Variants in RPS6KA5 observed in about 807,000 individuals in gnomAD.
The protein encoded by RPS6KA5 is ribosomal protein S6 kinase A5, also known as ribosomal protein S6 kinase alpha-5.
RPS6KA5 carries 27 observed loss-of-function variants against 85.5 expected under a neutral mutation model. That is an observed-to-expected ratio of 0.32 (90% confidence interval 0.23 to 0.44). The LOEUF (loss-of-function observed/expected upper bound fraction) is 0.44, where lower values mean the gene tolerates loss of function less well. Ranked by LOEUF, RPS6KA5 falls within the 20% of genes least tolerant of loss-of-function variation. RPS6KA5 has a pLI of 1.00. For missense variants in RPS6KA5, 811 were observed against 980.9 expected (o/e 0.83, Z 2.31); for synonymous variants, 334 against 348.2 (o/e 0.96, Z 0.46).
chr14:90,942,445 C>T (rs1235043984), intron 5 of RPS6KA5, among the ~76,000 whole-genome samples: 2 of 152,188 alleles, frequency 1.3e-5, no homozygotes, highest in African/African-American at 2.4e-5. Context: ...ACAACCATTA[C>T]ATAAACAGTA....
In RPS6KA5 at chr14:90,902,988, G is replaced by A. The variant is rs1042882216; in HGVS notation, c.958-19C>T. 1 of 1,599,094 alleles carries A rather than the reference G, an allele frequency of 6.3e-7. No individual in the cohort carries two copies. Among genetic ancestry groups the A allele is most frequent in the Non-Finnish European group, 8.5e-7 (1 of 1,170,794 alleles). On this transcript the variant is annotated intron_variant, in intron 8 of 16. Transcript: ENST00000614987. ...TTATTTTCTAAAACAAAGAAAGTTG[G>A]TACAAAGTAGAAATCAATAGTCAAA...
At chr14:90,933,992 C>A (rs947803927) in intron 5 of RPS6KA5, among the ~76,000 whole-genome samples, 2 of 152,204 alleles carry the variant, frequency 1.3e-5, no homozygotes, top group African/African-American at 4.8e-5. Context: ...TTGGTGAAGC[C>A]TTTCCTGACC....
chr14:90,945,272 A>AC (rs2037816036), intron 4 of RPS6KA5, among the ~76,000 whole-genome samples: 1 of 152,176 alleles, frequency 6.6e-6, no homozygotes, highest in Admixed American at 6.5e-5. Flanking sequence ...AACAGAACAC[A>AC]AAAGTACTAG....
chr14:90,975,620 C>T (rs559002458), intron 3 of RPS6KA5, among the ~76,000 whole-genome samples: 13 of 152,186 alleles, frequency 8.5e-5, no homozygotes, highest in Middle Eastern at 3.2e-3. Context: ...TCTTGGACTT[C>T]CAGCCTCCAG....
rs1461330086 is a variant in RPS6KA5, at chr14:90,869,027, G to A, written c.*3047C>T. 6.6e-6 allele frequency: 1 copy of A among 152,120 alleles called. No homozygotes were observed. The highest frequency in any genetic ancestry group is 2.4e-5 in the African/African-American group (1 of 41,410). The allele number at this position is 152,120 out of a possible 1,614,324, so 9.4% of individuals were successfully genotyped here. ...ATTCAGTGGTTTCTTACTTTATAAA[G>A]GTTTGGAAGAATTAATGAATTTCTT... On this transcript the variant is annotated 3_prime_UTR_variant, in exon 17 of 17. Transcript: ENST00000614987.
intron 2 of RPS6KA5, among the ~76,000 whole-genome samples, chr14:90,999,725 T>C (rs2040699218): frequency 1.3e-5 from 2 of 152,190 alleles, no homozygotes; most frequent in Non-Finnish European, 2.9e-5. Context: ...GAATTACTAA[T>C]AATTTCAGAA....
At chr14:90,951,079 A>C (rs1177707387) in intron 3 of RPS6KA5, among the ~76,000 whole-genome samples, 3 of 145,608 alleles carry the variant, frequency 2.1e-5, no homozygotes, top group African/African-American at 7.6e-5. Flanking sequence ...AGATCACTGC[A>C]CTGCACTCCA....
chr14:91,018,959 A>T (rs1195993941), intron 1 of RPS6KA5, among the ~76,000 whole-genome samples: 1 of 151,966 alleles, frequency 6.6e-6, no homozygotes, highest in Non-Finnish European at 1.5e-5. Context: ...TATTAACTAG[A>T]TATCATAGCA....
chr14:90,988,900 T>C lies in RPS6KA5; in HGVS notation c.176-10376A>G, dbSNP rs557443531. 3.2e-3 allele frequency among the ~76,000 whole-genome samples: 495 copies of C among 152,360 alleles called. 2 individuals are homozygous for C. Among genetic ancestry groups the C allele is most frequent in the African/African-American group, 0.011 (472 of 41,578 alleles). The stretch of plus-strand genomic sequence containing the variant: ...TTAAGGTAACATACAAATCAACTTC[T>C]TGTAAATGCTAACAAAATTGCAATT... On this transcript the variant is annotated intron_variant, in intron 2 of 16. Coordinates refer to ENST00000614987, the MANE Select transcript of RPS6KA5 (RefSeq NM_004755.4).
intron 5 of RPS6KA5, among the ~76,000 whole-genome samples, chr14:90,935,297 A>G (rs1281314108): frequency 6.7e-6 from 1 of 149,154 alleles, no homozygotes; most frequent in East Asian, 2.0e-4. Context: ...AACTACAAAA[A>G]AGAAAATAAA....
intron 1 of RPS6KA5, among the ~76,000 whole-genome samples, chr14:91,052,650 C>T (rs1160494718): frequency 6.7e-6 from 1 of 150,260 alleles, no homozygotes; most frequent in African/African-American, 2.5e-5. Flanking sequence ...CGATGAAACC[C>T]CGTCTCTACT....
intron 5 of RPS6KA5, among the ~76,000 whole-genome samples, chr14:90,931,159 G>A (rs1164187107): frequency 6.6e-6 from 1 of 152,050 alleles, no homozygotes; most frequent in Non-Finnish European, 1.5e-5. Flanking sequence ...ACAGATAAAC[G>A]AATAAACAAA....
chr14:90,943,229 A>G (rs995360490), intron 4 of RPS6KA5, 44 bp from the exon 5 acceptor site: 37 of 1,180,992 alleles, frequency 3.1e-5, no homozygotes, highest in Non-Finnish European at 4.6e-5. Flanking sequence ...ATTTACAAAA[A>G]AATGAATTAG....
At chr14:90,956,964 GTT>G (rs61106740) in intron 3 of RPS6KA5, among the ~76,000 whole-genome samples, 40,784 of 123,126 alleles carry the variant, frequency 0.33, 6,306 homozygotes, top group Middle Eastern at 0.37. Flanking sequence ...CTGTTTTTCT[GTT>G]TTTTTTTTTT....
chr14:91,014,721 A>G (rs1354061126), intron 1 of RPS6KA5, among the ~76,000 whole-genome samples: 6 of 152,096 alleles, frequency 3.9e-5, no homozygotes, highest in African/African-American at 1.4e-4. Flanking sequence ...GATACATCTT[A>G]TACTACATCC....
At chr14:90,888,338 A>G (rs1430468370) in intron 14 of RPS6KA5, among the ~76,000 whole-genome samples, 1 of 152,216 alleles carries the variant, frequency 6.6e-6, no homozygotes, top group Non-Finnish European at 1.5e-5. Context: ...TGATGGACAT[A>G]ATTGGCCTTT....
Position 90,902,937 on chromosome 14 carries a change from T to G in RPS6KA5, c.990A>C (p.Lys330Asn), listed in dbSNP as rs775115824. 11 of 1,611,228 alleles carry G rather than the reference T, an allele frequency of 6.8e-6. No homozygotes were observed. In the South Asian group the frequency reaches 1.1e-4, roughly 16 times the overall value. ...KINWDDLAAK[K>N]VPAPFKPVIR... ...TGACTGGCTTAAATGGTGCAGGCAC[T>G]TTTTTGGCGGCTAAATCATCCCAAT... The change falls in exon 9 of 17, where the codon AAA (lysine) becomes AAC (asparagine). Residue 330 changes from lysine (K) to asparagine (N), a missense_variant. Transcript: ENST00000614987.
chr14:90,993,743 T>C (rs1357286578), intron 2 of RPS6KA5, among the ~76,000 whole-genome samples: 1 of 152,186 alleles, frequency 6.6e-6, no homozygotes, highest in Non-Finnish European at 1.5e-5. Context: ...TACATAAGAA[T>C]TTCTTTATAC....
chr14:90,848,372 T>C lies in RPS6KA5; in HGVS notation c.*23702A>G, dbSNP rs1442194958. The C allele has an allele frequency of 6.6e-6, 1 of 152,192 alleles. No homozygotes were observed. Among genetic ancestry groups the C allele is most frequent in the Non-Finnish European group, 1.5e-5 (1 of 68,026 alleles). 9.4% of individuals were successfully genotyped at this position (152,192 alleles called of 1,614,324 possible). On this transcript the variant is annotated 3_prime_UTR_variant, in exon 17 of 17. Transcript: ENST00000614987. ...ACAATTCCAGAAGAGGGAAGTTCAT[T>C]ATGAATTAATACTTGGAAGATTCTA...
Sources: gnomAD v4.1 joint callset for allele counts (sites outside exome capture counted in the v4.1 genomes callset) on GRCh38, gnomAD v4.1.1 for gene constraint, MANE v1.5 for transcripts, NCBI Gene and HGNC (gene_info 2026-07-23, HGNC 2026-07-21) for gene names.